The following EPB41L3 variants were observed in gnomAD, a reference collection of about 807,000 sequenced individuals.
EPB41L3 encodes erythrocyte membrane protein band 4.1 like 3.
EPB41L3 carries 57 observed loss-of-function variants against 127.1 expected under a neutral mutation model. That is an observed-to-expected ratio of 0.45 (90% CI 0.36 to 0.56). The LOEUF is 0.56. Ranked by LOEUF, EPB41L3 falls within the 20% of genes least tolerant of loss-of-function variation. The pLI, the probability that EPB41L3 is intolerant of heterozygous loss-of-function variation, is 0.00. For missense variants in EPB41L3, 1,273 were observed against 1,372.2 expected (o/e 0.93, Z 1.14); for synonymous variants, 572 against 549.5 (o/e 1.04, Z -0.57).
intron 3 of EPB41L3, among the ~76,000 whole-genome samples, chr18:5,456,894 C>A (rs574211169): frequency 1.3e-5 from 2 of 152,180 alleles, no homozygotes; most frequent in African/African-American, 4.8e-5. Context: ...GAACCAGACA[C>A]GGCAGGCCCT....
At position 5,614,568 on chromosome 18, in the gene EPB41L3, G is replaced by C. The variant is rs150619853; in HGVS notation, c.-467-145C>G. On this transcript the variant is annotated intron_variant, in intron 1 of 21. Transcript: ENST00000545076. ...CATGAAGGCCTTCTCTGCTGCTTTA[G>C]AAATCCTCTTTGTGCTCCCTCATTG... The C allele has an allele frequency of 3.3e-5, 5 of 152,290 alleles. No individual in the cohort carries two copies. In the East Asian group the frequency reaches 9.7e-4, roughly 30 times the overall value. The allele number at this position is 152,290 out of a possible 1,614,324, so 9.4% of individuals were successfully genotyped here. A position where few individuals can be genotyped will look rare whatever the true frequency, so the allele number is the denominator to read the frequency against.
At chr18:5,394,970 A>C (rs896787400) in intron 21 of EPB41L3, 97 bp downstream of exon 21, 13 of 1,322,230 alleles carry the variant, frequency 9.8e-6, no homozygotes, top group Non-Finnish European at 1.3e-5. Flanking sequence ...TTTTCTTCGG[A>C]ATACATGCTG....
intron 1 of EPB41L3, among the ~76,000 whole-genome samples, chr18:5,526,254 C>T (rs541588090): frequency 3.9e-5 from 6 of 152,228 alleles, no homozygotes; most frequent in African/African-American, 1.2e-4. Flanking sequence ...AGAGGAGAAG[C>T]GCCTGTATTT....
At chr18:5,395,542 T>G in intron 20 of EPB41L3, 67 bp downstream of exon 20, 1 of 1,465,510 alleles carries the variant, frequency 6.8e-7, no homozygotes, top group Non-Finnish European at 9.5e-7. Context: ...CTGTGAGGAG[T>G]TCTGAACAAG....
intron 1 of EPB41L3, among the ~76,000 whole-genome samples, chr18:5,541,629 C>T (rs774719340): frequency 1.3e-5 from 2 of 152,044 alleles, no homozygotes; most frequent in African/African-American, 2.4e-5. Context: ...AAATTGCATC[C>T]GATCAAGTTA....
intron 1 of EPB41L3, among the ~76,000 whole-genome samples, chr18:5,527,822 C>T (rs768228792): frequency 2.0e-5 from 3 of 152,140 alleles, no homozygotes; most frequent in Non-Finnish European, 4.4e-5. Context: ...AAGCATGACT[C>T]AGTTCAAGGT....
intron 16 of EPB41L3, chr18:5,400,607 A>T: frequency 2.2e-6 from 1 of 463,286 alleles, no homozygotes; most frequent in Non-Finnish European, 4.3e-6. Flanking sequence ...TAGTGGGGAA[A>T]CCAATAAGAA....
At chr18:5,494,825 T>C (rs2090991315) in intron 1 of EPB41L3, among the ~76,000 whole-genome samples, 1 of 151,990 alleles carries the variant, frequency 6.6e-6, no homozygotes. Flanking sequence ...TGCGTGAGAG[T>C]GATGAGAGGT....
chr18:5,398,285 C>T (rs371801007), intron 16 of EPB41L3, 142 bp from the exon 17 acceptor site: 57 of 941,920 alleles, frequency 6.1e-5, no homozygotes, highest in Admixed American at 3.3e-4. Flanking sequence ...AGTTTGGAAA[C>T]GAAAAGAATG....
rs536310535 is a variant in EPB41L3, at chr18:5,521,427, C to A, written c.-12+22486G>T. The A allele has an allele frequency of 2.0e-5, 3 of 152,300 alleles. No individual in the cohort carries two copies. In the East Asian group the frequency reaches 5.8e-4, roughly 29 times the overall value. 9.4% of individuals were successfully genotyped at this position (152,300 alleles called of 1,614,324 possible). A position where few individuals can be genotyped will look rare whatever the true frequency, so the allele number is the denominator to read the frequency against. On this transcript the variant is annotated intron_variant, in intron 1 of 22. Transcript: ENST00000341928. ...CATTATCTAGCTTAGTACCAAATGC[C>A]AGGAATTTGTCAGGGTCACGTGTGT...
chr18:5,470,997 G>C (rs117600406), intron 3 of EPB41L3, among the ~76,000 whole-genome samples: 7 of 152,160 alleles, frequency 4.6e-5, no homozygotes, highest in Non-Finnish European at 8.8e-5. Context: ...CCTGAGGTTA[G>C]AGCTGACTGG....
At chr18:5,429,612 T>C (rs1280430568) in intron 8 of EPB41L3, among the ~76,000 whole-genome samples, 1 of 152,206 alleles carries the variant, frequency 6.6e-6, no homozygotes, top group Non-Finnish European at 1.5e-5. Context: ...ATACATATAC[T>C]GGTCCATCTC....
At chr18:5,452,217 T>C (rs1368723687) in intron 3 of EPB41L3, among the ~76,000 whole-genome samples, 3 of 152,166 alleles carry the variant, frequency 2.0e-5, no homozygotes, top group African/African-American at 7.2e-5. Flanking sequence ...TCACTTTAAA[T>C]TAAAATATGT....
chr18:5,432,844 A>G (rs1194118212), intron 8 of EPB41L3, among the ~76,000 whole-genome samples: 1 of 152,234 alleles, frequency 6.6e-6, no homozygotes, highest in Non-Finnish European at 1.5e-5. Flanking sequence ...ACTTTAAAAC[A>G]ACAACCTTAT....
chr18:5,626,356 T>C (rs770207887), intron 1 of EPB41L3, among the ~76,000 whole-genome samples: 1 of 152,244 alleles, frequency 6.6e-6, no homozygotes, highest in Non-Finnish European at 1.5e-5. Flanking sequence ...GTGGCTACTT[T>C]GAGTATTACA....
At chr18:5,432,254 C>T (rs1262116478) in intron 8 of EPB41L3, among the ~76,000 whole-genome samples, 1 of 152,188 alleles carries the variant, frequency 6.6e-6, no homozygotes, top group Non-Finnish European at 1.5e-5. Context: ...CGCAGGGGTG[C>T]TGAGGTGTTT....
chr18:5,448,393 A>G (rs1460932237), intron 3 of EPB41L3, among the ~76,000 whole-genome samples: 1 of 152,100 alleles, frequency 6.6e-6, no homozygotes, highest in Non-Finnish European at 1.5e-5. Flanking sequence ...ATATTATTCA[A>G]CTTTTCAAGT....
At chr18:5,457,225 T>C (rs191561015) in intron 3 of EPB41L3, among the ~76,000 whole-genome samples, 36 of 150,430 alleles carry the variant, frequency 2.4e-4, no homozygotes, top group Non-Finnish European at 4.8e-4. Flanking sequence ...AAACATTCTA[T>C]TCAAGCAAAA....
intron 1 of EPB41L3, among the ~76,000 whole-genome samples, chr18:5,503,927 A>G (rs923609985): frequency 2.6e-5 from 4 of 152,212 alleles, no homozygotes; most frequent in Non-Finnish European, 4.4e-5. Flanking sequence ...GTCATGCTCA[A>G]TCTCTCTTGA....
Sources: allele counts gnomAD v4.1 joint callset (sites outside exome capture counted in the v4.1 genomes callset), GRCh38; gene constraint gnomAD v4.1.1; transcripts MANE v1.5; gene names NCBI Gene and HGNC (gene_info 2026-07-23, HGNC 2026-07-21).